Variants in CEP128 observed in about 807,000 individuals in gnomAD.
CEP128 encodes centrosomal protein 128kDa.
CEP128 carries 132 observed loss-of-function variants against 156.7 expected under a neutral mutation model. The ratio of observed to expected loss-of-function variants is 0.84; its 90% CI spans 0.73 to 0.97. CEP128 has a LOEUF of 0.97. Among genes scored for constraint, CEP128 ranks in the 50% least tolerant of loss-of-function variants. The pLI, the probability that CEP128 is intolerant of heterozygous loss-of-function variation, is 0.00. For missense variants in CEP128, 1,252 were observed against 1,281.9 expected (o/e 0.98, Z 0.36); for synonymous variants, 469 against 448.9 (o/e 1.04, Z -0.57).
chr14:80,604,142 T>C (rs2197983), intron 19 of CEP128, among the ~76,000 whole-genome samples: 5,143 of 152,262 alleles, frequency 0.034, 296 homozygotes, highest in African/African-American at 0.12. Flanking sequence ...TTCCTACCAA[T>C]GTTTCCCTTA....
At chr14:80,509,896 G>A (rs1888165210) in intron 23 of CEP128, among the ~76,000 whole-genome samples, 2 of 152,092 alleles carry the variant, frequency 1.3e-5, no homozygotes, top group Non-Finnish European at 2.9e-5. Context: ...TTTCCCCAAT[G>A]TATGTTCTTG....
At chr14:80,537,674 A>T (rs1038974068) in intron 21 of CEP128, among the ~76,000 whole-genome samples, 3 of 152,172 alleles carry the variant, frequency 2.0e-5, no homozygotes, top group South Asian at 2.1e-4. Flanking sequence ...GTTTGCAAAA[A>T]AACAATTCTT....
chr14:80,635,338 T>C (rs1211474703), intron 19 of CEP128, among the ~76,000 whole-genome samples: 2 of 152,188 alleles, frequency 1.3e-5, no homozygotes, highest in African/African-American at 4.8e-5. Flanking sequence ...CATTATAAGA[T>C]GAATTGACAT....
chr14:80,798,273 G>A (rs1380964467), intron 13 of CEP128, among the ~76,000 whole-genome samples: 1 of 152,136 alleles, frequency 6.6e-6, no homozygotes, highest in African/African-American at 2.4e-5. Context: ...GTAGTTGGAA[G>A]GATTTATAGG....
intron 13 of CEP128, among the ~76,000 whole-genome samples, chr14:80,803,656 A>C (rs886587448): frequency 1.3e-5 from 2 of 152,200 alleles, no homozygotes; most frequent in African/African-American, 4.8e-5. Context: ...GAATCTGATC[A>C]ACAAGACACC....
chr14:80,585,421 G>T (rs1033308354), intron 19 of CEP128, among the ~76,000 whole-genome samples: 1 of 152,192 alleles, frequency 6.6e-6, no homozygotes, highest in African/African-American at 2.4e-5. Context: ...GGTGAGTCAT[G>T]TCCAGGTGTG....
In CEP128 at chr14:80,836,294, C is replaced by T. The variant is rs751815642; in HGVS notation, c.968G>A (p.Arg323Gln). Residue 323 changes from arginine to glutamine, a missense_variant, in exon 12 of 25, where the codon CGA (arginine) becomes CAA (glutamine). Transcript: ENST00000555265. ...RTQLTKAEGDRKGLQHQVSQI... is the reference protein window; with the variant it reads ...RTQLTKAEGDQKGLQHQVSQI... The stretch of plus-strand genomic sequence containing the variant: ...AGATACTTGATGCTGTAAACCCTTT[C>T]GATCACCTTCTGCTTTCGTAAGTTG... 1.2e-5 allele frequency: 19 copies of T among 1,614,024 alleles called. No individual in the cohort carries two copies. The South Asian group carries it at 1.8e-4, about 15-fold the overall frequency.
intron 16 of CEP128, among the ~76,000 whole-genome samples, chr14:80,764,491 G>T (rs1900138722): frequency 6.6e-6 from 1 of 150,436 alleles, no homozygotes; most frequent in Non-Finnish European, 1.5e-5. Context: ...GGGCGACAGA[G>T]CGAGACTCCG....
chr14:80,575,892 G>A (rs1891333876), intron 20 of CEP128, among the ~76,000 whole-genome samples: 3 of 152,142 alleles, frequency 2.0e-5, no homozygotes, highest in African/African-American at 7.2e-5. Flanking sequence ...AAAATGAAGA[G>A]AGATGACTGG....
intron 15 of CEP128, among the ~76,000 whole-genome samples, chr14:80,784,295 AAGAC>A (rs1225163817): frequency 6.6e-6 from 1 of 151,962 alleles, no homozygotes; most frequent in Non-Finnish European, 1.5e-5. Flanking sequence ...AAAAAAAAAA[AAGAC>A]AGGAAGAGGA....
At chr14:80,902,365 C>T (rs1357379916) in intron 6 of CEP128, among the ~76,000 whole-genome samples, 1 of 152,132 alleles carries the variant, frequency 6.6e-6, no homozygotes, top group Non-Finnish European at 1.5e-5. Flanking sequence ...ATCACATAGT[C>T]CATGCTAGCA....
At chr14:80,944,955 G>A (rs10136404), upstream of CEP128, among the ~76,000 whole-genome samples, 101,084 of 150,090 alleles carry the variant, frequency 0.67, 34,954 homozygotes, top group African/African-American at 0.84. Flanking sequence ...AAACAAACCA[G>A]TACAAGTATC....
chr14:80,730,666 T>G (rs1407587051), intron 19 of CEP128, among the ~76,000 whole-genome samples: 1 of 152,260 alleles, frequency 6.6e-6, no homozygotes, highest in Non-Finnish European at 1.5e-5. Context: ...GTGGAATTTA[T>G]GTAGATGACT....
intron 21 of CEP128, among the ~76,000 whole-genome samples, chr14:80,558,967 T>C (rs1890555264): frequency 6.6e-6 from 1 of 152,216 alleles, no homozygotes; most frequent in Non-Finnish European, 1.5e-5. Flanking sequence ...CTCTTAGTGA[T>C]TGTGAAATAC....
chr14:80,590,681 A>G (rs1892016759), intron 19 of CEP128, among the ~76,000 whole-genome samples: 1 of 152,152 alleles, frequency 6.6e-6, no homozygotes, highest in African/African-American at 2.4e-5. Flanking sequence ...TCAAAAATAC[A>G]GGTACATACA....
At chr14:80,492,345 A>G (rs1887352649), downstream of CEP128, among the ~76,000 whole-genome samples, 1 of 152,210 alleles carries the variant, frequency 6.6e-6, no homozygotes, top group Non-Finnish European at 1.5e-5. Context: ...AGACCAGGTC[A>G]CACCTTAAGA....
intron 19 of CEP128, among the ~76,000 whole-genome samples, chr14:80,597,542 G>T (rs1485168436): frequency 6.8e-6 from 1 of 146,908 alleles, no homozygotes; most frequent in African/African-American, 2.5e-5. Flanking sequence ...GAAAACAGAA[G>T]AAAATGAAAT....
At chr14:80,784,358 C>A (rs1901284368) in intron 15 of CEP128, among the ~76,000 whole-genome samples, 1 of 151,538 alleles carries the variant, frequency 6.6e-6, no homozygotes, top group Non-Finnish European at 1.5e-5. Context: ...GATTGCCCTG[C>A]ATGGTGATAA....
chr14:80,539,298 G>A (rs184590987), intron 21 of CEP128, among the ~76,000 whole-genome samples: 48 of 152,300 alleles, frequency 3.2e-4, no homozygotes, highest in Admixed American at 2.1e-3. Flanking sequence ...CAGCCTCTCT[G>A]ATGCAATGGT....
Sources: allele counts gnomAD v4.1 joint callset (sites outside exome capture counted in the v4.1 genomes callset), GRCh38; gene constraint gnomAD v4.1.1; transcripts MANE v1.5; gene names NCBI Gene and HGNC (gene_info 2026-07-23, HGNC 2026-07-21).